Variants in EFTUD2 observed in about 807,000 individuals in gnomAD.
EFTUD2 encodes the protein elongation factor Tu GTP binding domain containing 2.
A neutral mutation model predicts 114.3 loss-of-function variants in EFTUD2; 9 were observed. The observed-to-expected ratio is 0.08, with a 90% CI of 0.05 to 0.14. The LOEUF (loss-of-function observed/expected upper bound fraction) is 0.14, where lower values mean the gene tolerates loss of function less well. Among genes scored for constraint, EFTUD2 ranks in the 10% least tolerant of loss-of-function variants. The pLI is 1.00. For synonymous variants in EFTUD2, 449 were observed against 462.3 expected (o/e 0.97, Z 0.37); for missense variants, 765 against 1,241.2 (o/e 0.62, Z 5.76).
chr17:44,860,143 C>G (rs1465588485), intron 17 of EFTUD2, 98 bp from the exon 18 acceptor site: 1 of 1,543,622 alleles, frequency 6.5e-7, no homozygotes, highest in Non-Finnish European at 8.9e-7. Context: ...TAGGATCAGA[C>G]TATGTATTCC....
chr17:44,856,840 G>A (rs2050565337), intron 20 of EFTUD2, among the ~76,000 whole-genome samples: 1 of 152,044 alleles, frequency 6.6e-6, no homozygotes, highest in South Asian at 2.1e-4. Flanking sequence ...GAGACAAAGT[G>A]GCAGTTATGA....
intron 10 of EFTUD2, 179 bp downstream of exon 10, chr17:44,875,755 A>T: frequency 1.5e-6 from 1 of 658,904 alleles, no homozygotes; most frequent in Admixed American, 2.5e-5. Flanking sequence ...ATAATAGTAA[A>T]ATGAAGATGT....
intron 3 of EFTUD2, 34 bp from the exon 4 acceptor site, chr17:44,885,368 T>G: frequency 6.8e-7 from 1 of 1,460,906 alleles, no homozygotes; most frequent in Non-Finnish European, 9.6e-7. Flanking sequence ...GATGTGTAGG[T>G]GGGCATAAAA....
intron 16 of EFTUD2, among the ~76,000 whole-genome samples, chr17:44,861,833 G>A (rs2050666483): frequency 6.6e-6 from 1 of 152,152 alleles, no homozygotes; most frequent in Non-Finnish European, 1.5e-5. Flanking sequence ...CACCATTGAG[G>A]CAGGGTAGCC....
At chr17:44,865,170 G>A in intron 13 of EFTUD2, 105 bp from the exon 14 acceptor site, 1 of 1,483,240 alleles carries the variant, frequency 6.7e-7, no homozygotes, top group Non-Finnish European at 9.1e-7. Context: ...TCCTTCACAA[G>A]GCTCTCTTCT....
At chr17:44,874,289 C>T (rs369298232) in intron 10 of EFTUD2, among the ~76,000 whole-genome samples, 1 of 152,126 alleles carries the variant, frequency 6.6e-6, no homozygotes, top group East Asian at 1.9e-4. Flanking sequence ...AAGGGATCCT[C>T]CTGCCTTGAC....
chr17:44,859,259 C>A (rs2050612475), intron 18 of EFTUD2, 78 bp from the exon 19 acceptor site: 1 of 1,040,048 alleles, frequency 9.6e-7, no homozygotes, highest in East Asian at 2.4e-5. Flanking sequence ...AAGGCCAGAG[C>A]AGACAAGAAG....
At chr17:44,859,825 T>G (rs1025882340) in intron 18 of EFTUD2, 80 bp downstream of exon 18, 9 of 1,599,492 alleles carry the variant, frequency 5.6e-6, no homozygotes, top group Non-Finnish European at 7.7e-6. Context: ...GAACACCTGA[T>G]GGATGGGAAG....
In EFTUD2 at chr17:44,850,240, G is replaced by C; in HGVS notation, c.*1034C>G. On this transcript the variant is annotated 3_prime_UTR_variant, in exon 28 of 28. Coordinates refer to ENST00000426333, the MANE Select transcript of EFTUD2 (RefSeq NM_004247.4). ...AGCGGGAAGCTGGACTCTCAAGGGA[G>C]CAGCTAGAGGTGAACCCCTAGGACG... The C allele has an allele frequency of 1.1e-6, 1 of 913,796 alleles. No individual in the cohort carries two copies. The highest frequency in any genetic ancestry group is 1.6e-5 in the African/African-American group (1 of 62,020). 56.6% of individuals were successfully genotyped at this position (913,796 alleles called of 1,614,324 possible). A position where few individuals can be genotyped will look rare whatever the true frequency, so the allele number is the denominator to read the frequency against.
chr17:44,859,751 C>A (rs1051970950), intron 18 of EFTUD2, 154 bp downstream of exon 18: 56 of 1,245,588 alleles, frequency 4.5e-5, no homozygotes, highest in African/African-American at 7.5e-5. Flanking sequence ...TCTTGTCCTG[C>A]CTTGACATGA....
At chr17:44,872,386 C>T in intron 11 of EFTUD2, 60 bp downstream of exon 11, 3 of 1,599,014 alleles carry the variant, frequency 1.9e-6, no homozygotes, top group South Asian at 2.2e-5. Context: ...AGTCATTCAG[C>T]AGGAAAGGCA....
chr17:44,863,106 CTCTT>C lies in EFTUD2; in HGVS notation c.1414-204_1414-201del. 1.0e-5 allele frequency: 3 copies of C among 288,516 alleles called. No homozygotes were observed. The East Asian group carries it at 1.4e-4, about 13-fold the overall frequency. 17.9% of individuals were successfully genotyped at this position (288,516 alleles called of 1,614,324 possible). A position where few individuals can be genotyped will look rare whatever the true frequency, so the allele number is the denominator to read the frequency against. On this transcript the variant is annotated intron_variant, in intron 15 of 27. Transcript: ENST00000426333. ...GACATGGCAGAGCAAAAATATTCTC[CTCTT>C]TTTTTTTTTTTGGGAGGATAAGGGC... is the stretch of plus-strand genomic sequence containing the variant.
chr17:44,872,431 C>G lies in EFTUD2; in HGVS notation c.994+15G>C. 6.2e-7 allele frequency: 1 copy of G among 1,610,248 alleles called. No individual in the cohort carries two copies. The highest frequency in any genetic ancestry group is 8.5e-7 in the Non-Finnish European group (1 of 1,177,590). On this transcript the variant is annotated intron_variant, in intron 11 of 27. Coordinates refer to ENST00000426333, the MANE Select transcript of EFTUD2 (RefSeq NM_004247.4). ...CAGGGGAAGCTGGTGAGACAGACTGCCAGCCAGCGCTTACCAAAGGTGTCG... is the reference window on the plus strand; with the variant it reads ...CAGGGGAAGCTGGTGAGACAGACTGGCAGCCAGCGCTTACCAAAGGTGTCG...
At chr17:44,862,512 C>A (rs2050676140) in intron 16 of EFTUD2, among the ~76,000 whole-genome samples, 1 of 152,200 alleles carries the variant, frequency 6.6e-6, no homozygotes, top group Admixed American at 6.5e-5. Context: ...TGGCACTGTT[C>A]CAACAGTAGC....
chr17:44,869,698 G>A (rs1244734305), intron 11 of EFTUD2, among the ~76,000 whole-genome samples: 5 of 152,132 alleles, frequency 3.3e-5, no homozygotes. Context: ...AGCCCTGCAA[G>A]TCTGGAATTC....
chr17:44,881,470 G>T (rs774386642), intron 7 of EFTUD2, among the ~76,000 whole-genome samples: 7 of 152,234 alleles, frequency 4.6e-5, no homozygotes, highest in Non-Finnish European at 8.8e-5. Context: ...AAGAACAGGA[G>T]GGTTCCCCTC....
At chr17:44,883,510 C>T (rs777900810) in intron 5 of EFTUD2, 139 bp downstream of exon 5, 8 of 808,192 alleles carry the variant, frequency 9.9e-6, no homozygotes, top group African/African-American at 8.5e-5. Flanking sequence ...AGTATGACTT[C>T]GTAACAGGCA....
chr17:44,857,310 A>T (rs1379476426), intron 19 of EFTUD2, 153 bp from the exon 20 acceptor site: 6 of 625,502 alleles, frequency 9.6e-6, no homozygotes, highest in Non-Finnish European at 8.7e-6. Flanking sequence ...ACAGCAGGTT[A>T]AAAGAGCTGT....
rs536865723 is a variant in EFTUD2 at position 44,881,076 on chromosome 17, C to T, written c.529-432G>A. On this transcript the variant is annotated intron_variant, in intron 7 of 27. Transcript: ENST00000426333. ...AAAACTCCAAACAAATACATAAATA[C>T]ATTATAAAATAATAACAGCTAACAT... is the stretch of plus-strand genomic sequence containing the variant. Among the ~76,000 whole-genome samples, 10 of 152,120 alleles carry T rather than the reference C, an allele frequency of 6.6e-5. No homozygotes were observed. In the South Asian group the frequency reaches 1.9e-3, roughly 28 times the overall value.
Sources: allele counts gnomAD v4.1 joint callset (sites outside exome capture counted in the v4.1 genomes callset), GRCh38; gene constraint gnomAD v4.1.1; transcripts MANE v1.5; gene names NCBI Gene and HGNC (gene_info 2026-07-23, HGNC 2026-07-21).